The following PPP2R1B variants were observed in gnomAD, a reference collection of about 807,000 sequenced individuals.
PPP2R1B encodes protein phosphatase 2 scaffold subunit Abeta, also known as serine/threonine-protein phosphatase 2A 65 kDa regulatory subunit A beta isoform.
A neutral mutation model predicts 72.7 loss-of-function variants in PPP2R1B; 58 were observed. The ratio of observed to expected loss-of-function variants is 0.80; its 90% CI spans 0.65 to 0.99. The LOEUF (loss-of-function observed/expected upper bound fraction) is 0.99, where lower values mean the gene tolerates loss of function less well. PPP2R1B is among the 50% of genes least tolerant of loss of function. PPP2R1B has a pLI of 0.00. For synonymous variants in PPP2R1B, 256 were observed against 264.6 expected (o/e 0.97, Z 0.32); for missense variants, 695 against 733.6 (o/e 0.95, Z 0.61).
chr11:111,693,812 G>C, the PPP2R1B span, among the ~76,000 whole-genome samples: 1 of 152,138 alleles, frequency 6.6e-6, no homozygotes, highest in Non-Finnish European at 1.5e-5. Context: ...TTCAGGAACA[G>C]ATTATAGGGA....
the PPP2R1B span, among the ~76,000 whole-genome samples, chr11:111,710,700 A>C: frequency 6.6e-6 from 1 of 152,220 alleles, no homozygotes; most frequent in Non-Finnish European, 1.5e-5. Flanking sequence ...TCCTGACTTC[A>C]CTGTGAAGTT....
chr11:111,702,864 A>AT, the PPP2R1B span, among the ~76,000 whole-genome samples: 1 of 152,068 alleles, frequency 6.6e-6, no homozygotes, highest in African/African-American at 2.4e-5. Context: ...CTGAGGATCG[A>AT]TTTATTATTT....
intron 5 of PPP2R1B, among the ~76,000 whole-genome samples, chr11:111,758,645 A>G (rs187343944): frequency 3.2e-4 from 48 of 152,164 alleles, no homozygotes; most frequent in African/African-American, 1.1e-3. Context: ...TGCGCTTACC[A>G]TAAAAGTCAG....
At position 111,742,154 on chromosome 11, in the gene PPP2R1B, A is replaced by G. The variant is rs1056213134; in HGVS notation, c.1698-10T>C. 3 of 1,601,696 alleles carry G rather than the reference A, an allele frequency of 1.9e-6. No individual in the cohort carries two copies. The highest frequency in any genetic ancestry group is 2.6e-6 in the Non-Finnish European group (3 of 1,169,030). ...TTCTCCCTGTAAAGCACTGACATTC[A>G]AAAGTATTATCTGTGAAAGACAGTC... On this transcript the variant is annotated splice_polypyrimidine_tract_variant and intron_variant, in intron 13 of 14. Transcript: ENST00000527614.
At chr11:111,701,331 T>C in the PPP2R1B span, 1 of 1,321,252 alleles carries the variant, frequency 7.6e-7, no homozygotes, top group South Asian at 1.8e-5. This position sits in a 1 kb window ranked among gnomAD's most constrained non-coding sequence, Gnocchi z 4.2. Context: ...TCTGAGAAAA[T>C]AATAAATCCA....
chr11:111,758,280 A>G (rs182634067), intron 5 of PPP2R1B, among the ~76,000 whole-genome samples: 3 of 152,356 alleles, frequency 2.0e-5, no homozygotes, highest in East Asian at 3.9e-4. Context: ...GTTTTAAACT[A>G]TAACATTTAG....
downstream of PPP2R1B, chr11:111,723,353 T>A (rs564601): frequency 3.6e-6 from 3 of 833,082 alleles, no homozygotes; most frequent in Non-Finnish European, 5.5e-6. Flanking sequence ...CCCAACACAA[T>A]TGGTTCCCAT....
Position 111,738,759 on chromosome 11 carries a change from G to A in PPP2R1B, c.*2837C>T. 3.0e-6 allele frequency: 3 copies of A among 985,402 alleles called. No individual in the cohort carries two copies. Among genetic ancestry groups the A allele is most frequent in the Non-Finnish European group, 3.6e-6 (3 of 829,950 alleles). 61.0% of individuals were successfully genotyped at this position (985,402 alleles called of 1,614,324 possible). On this transcript the variant is annotated 3_prime_UTR_variant, in exon 15 of 15. Coordinates refer to ENST00000527614, the MANE Select transcript of PPP2R1B (RefSeq NM_002716.5). Reference sequence around the variant, plus strand: ...AGGTTCACATCTTCTTGGTAGCACAGAGAGAGAAACAAGACCTGGTCTCTT... The same window carrying A: ...AGGTTCACATCTTCTTGGTAGCACAAAGAGAGAAACAAGACCTGGTCTCTT...
rs191565135 is a variant in PPP2R1B, at chr11:111,726,990, A to C, written c.1979T>G (p.Val660Gly). The change falls in exon 16 of 16, where the codon GTG (valine) becomes GGG (glycine). Residue 660 changes from valine (V) to glycine (G), a missense_variant. Transcript: ENST00000311129. ...TTAGTCTGTGCTTTGGGAGAAATGC[A>C]CTAGCTCTGCAATTCCCAGCTGGGC... The C allele has an allele frequency of 2.2e-4, 357 of 1,614,088 alleles. 2 individuals are homozygous for C. The East Asian group carries it at 7.6e-3, about 34-fold the overall frequency.
At chr11:111,737,382 A>C, downstream of PPP2R1B, 7 of 1,611,412 alleles carry the variant, frequency 4.3e-6, no homozygotes, top group Non-Finnish European at 5.9e-6. Context: ...CTCCCTGCAC[A>C]CCATGCCACC....
At position 111,739,177 on chromosome 11, in the gene PPP2R1B, C is replaced by T; in HGVS notation, c.*2419G>A. ...TTGGAGGATATTTTAGAAATTCATCCATTGAACACATTTTTATTGAGCACC... is the reference window on the plus strand; with the variant it reads ...TTGGAGGATATTTTAGAAATTCATCTATTGAACACATTTTTATTGAGCACC... On this transcript the variant is annotated 3_prime_UTR_variant, in exon 15 of 15. Transcript: ENST00000527614. 4 of 984,948 alleles carry T rather than the reference C, an allele frequency of 4.1e-6. No individual in the cohort carries two copies. The highest frequency in any genetic ancestry group is 4.8e-6 in the Non-Finnish European group (4 of 829,620). 61.0% of individuals were successfully genotyped at this position (984,948 alleles called of 1,614,324 possible).
At chr11:111,723,005 A>T (rs1398122059), downstream of PPP2R1B, among the ~76,000 whole-genome samples, 6 of 152,136 alleles carry the variant, frequency 3.9e-5, no homozygotes, top group Non-Finnish European at 8.8e-5. Context: ...TCTTTGGGGT[A>T]TGACTAGCTC....
intron 15 of PPP2R1B, chr11:111,729,134 AT>A (rs1944094569): frequency 6.6e-6 from 1 of 152,104 alleles, no homozygotes; most frequent in Non-Finnish European, 1.5e-5. Flanking sequence ...TCACATTCTT[AT>A]TTTACCATTT....
intron 10 of PPP2R1B, 139 bp from the exon 11 acceptor site, chr11:111,748,153 G>A: frequency 3.0e-6 from 2 of 657,084 alleles, no homozygotes; most frequent in Non-Finnish European, 5.1e-6. Flanking sequence ...AAACACCACA[G>A]GAATTACAAA....
chr11:111,765,453 GT>G, intron 1 of PPP2R1B, 69 bp from the exon 2 acceptor site: 1 of 1,233,014 alleles, frequency 8.1e-7, no homozygotes, highest in East Asian at 2.3e-5. Flanking sequence ...AAGACAAAAG[GT>G]GCTAACAGGT....
At position 111,750,843 on chromosome 11, in the gene PPP2R1B, GTTTTT is replaced by G. The variant is rs11410952; in HGVS notation, c.1338+1311_1338+1315del. ...AAGCTTCAGTTTTTGTTTTTGTTTTGTTTTTTTTTTTTTGACACAAAGTTTTACTC... is the reference window on the plus strand; with the variant it reads ...AAGCTTCAGTTTTTGTTTTTGTTTTGTTTTTTTTGACACAAAGTTTTACTC... On this transcript the variant is annotated intron_variant, in intron 10 of 14. Coordinates refer to ENST00000527614, the MANE Select transcript of PPP2R1B (RefSeq NM_002716.5). 2.7e-3 allele frequency among the ~76,000 whole-genome samples: 390 copies of G among 145,638 alleles called. 4 individuals carry two copies. The highest frequency in any genetic ancestry group is 9.5e-3 in the African/African-American group (377 of 39,724).
In PPP2R1B at chr11:111,766,320, C is replaced by T; in HGVS notation, c.42G>A (p.Ala14=). The T allele has an allele frequency of 6.2e-7, 1 of 1,612,576 alleles. No homozygotes were observed. Among genetic ancestry groups the T allele is most frequent in the Non-Finnish European group, 8.5e-7 (1 of 1,179,828 alleles). ...ASELGTGPGA[A]GGDGDDSLYP... ...ATAGCGAATCATCTCCATCTCCACC[C>T]GCTGCTCCTGGGCCGGTCCCGAGCT... The change falls in exon 1 of 15, where the codon GCG becomes GCA. Residue 14 remains alanine, a synonymous_variant. Transcript: ENST00000527614.
chr11:111,737,075 C>A (rs1402818357), downstream of PPP2R1B, among the ~76,000 whole-genome samples: 1 of 152,182 alleles, frequency 6.6e-6, no homozygotes, highest in Non-Finnish European at 1.5e-5. Context: ...GGAATTATGG[C>A]AAGTCACTTC....
chr11:111,729,988 A>G (rs1409571083), intron 15 of PPP2R1B: 1 of 146,182 alleles, frequency 6.8e-6, no homozygotes, highest in Non-Finnish European at 1.5e-5. Context: ...GCATCAGGCC[A>G]CCACTGCAGG....
Sources: allele counts gnomAD v4.1 joint callset (sites outside exome capture counted in the v4.1 genomes callset), GRCh38; gene constraint gnomAD v4.1.1; non-coding constraint Gnocchi (gnomAD v3.1); transcripts MANE v1.5; gene names NCBI Gene and HGNC (gene_info 2026-07-23, HGNC 2026-07-21).